PLXNA4: variants seen among roughly 807,000 people sequenced by gnomAD.
The protein encoded by PLXNA4 is plexin-A4.
A neutral mutation model predicts 191.8 loss-of-function variants in PLXNA4; 44 were observed. The observed-to-expected ratio is 0.23, with a 90% CI of 0.18 to 0.29. PLXNA4 has a LOEUF of 0.29. PLXNA4 is among the 10% of genes least tolerant of loss of function. The pLI is 1.00. For missense variants in PLXNA4, 1,800 were observed against 2,488.8 expected, an observed-to-expected ratio of 0.72 and a Z score of 5.89; for synonymous variants, 1,082 against 1,009.5, an observed-to-expected ratio of 1.07 and a Z score of -1.36.
rs1045022660 is a variant in PLXNA4 at position 132,169,357 on chromosome 7, G to A, written c.4018-785C>T. On this transcript the variant is annotated intron_variant, in intron 21 of 31. Coordinates refer to ENST00000321063, the MANE Select transcript of PLXNA4 (RefSeq NM_020911.2). ...TCAGCAAACACGAGTCAATGACTCA[G>A]GTAGGTGTGGAAGGCCCACCTCTGA... Among the ~76,000 whole-genome samples, 6 of 152,338 alleles carry A rather than the reference G, an allele frequency of 3.9e-5. No homozygotes were observed. In the East Asian group the frequency reaches 1.2e-3, roughly 29 times the overall value.
At chr7:132,431,624 C>T (rs1048077285) in intron 3 of PLXNA4, among the ~76,000 whole-genome samples, 1 of 152,122 alleles carries the variant, frequency 6.6e-6, no homozygotes, top group Non-Finnish European at 1.5e-5. Flanking sequence ...AGACATCTGA[C>T]CTGCAAGAGG....
chr7:132,412,873 G>T (rs1185227347), intron 3 of PLXNA4, among the ~76,000 whole-genome samples: 1 of 152,122 alleles, frequency 6.6e-6, no homozygotes, highest in Non-Finnish European at 1.5e-5. Context: ...TGCAGGACAC[G>T]CTGGCCAAGC....
At chr7:132,147,169 G>A (rs985782486) in intron 27 of PLXNA4, among the ~76,000 whole-genome samples, 7 of 152,164 alleles carry the variant, frequency 4.6e-5, no homozygotes, top group African/African-American at 1.7e-4. Context: ...TCTGGCCTGC[G>A]CCAATTATTC....
rs1204876728 is a variant in PLXNA4, at chr7:132,128,138, A to T, written c.*2341T>A. On this transcript the variant is annotated 3_prime_UTR_variant, in exon 32 of 32. Coordinates refer to ENST00000321063, the MANE Select transcript of PLXNA4 (RefSeq NM_020911.2). ...GCAAAAATATTGTAGTGACCGAGGT[A>T]CTTCCTCAGACCGTCTCCCACATGT... The T allele has an allele frequency of 2.0e-5, 3 of 152,152 alleles. No individual in the cohort carries two copies. The highest frequency in any genetic ancestry group is 6.5e-5 in the Admixed American group (1 of 15,270). The allele number at this position is 152,152 out of a possible 1,614,324, so 9.4% of individuals were successfully genotyped here.
chr7:132,544,545 G>A (rs550454347), intron 1 of PLXNA4, among the ~76,000 whole-genome samples: 2 of 152,270 alleles, frequency 1.3e-5, no homozygotes, highest in Non-Finnish European at 2.9e-5. Flanking sequence ...AGTGTGCAGA[G>A]GGTGAGGGGG....
intron 3 of PLXNA4, among the ~76,000 whole-genome samples, chr7:132,476,056 T>TG (rs1459131324): frequency 6.6e-6 from 1 of 152,160 alleles, no homozygotes; most frequent in Non-Finnish European, 1.5e-5. Flanking sequence ...CATGTGTGGG[T>TG]GCCTCCCTGT....
intron 3 of PLXNA4, among the ~76,000 whole-genome samples, chr7:132,436,266 G>A (rs1171975591): frequency 3.3e-5 from 5 of 152,160 alleles, no homozygotes; most frequent in African/African-American, 7.2e-5. Context: ...TGCACACTCC[G>A]TCCAACTCTG....
At chr7:132,172,665 G>A (rs771324684) in intron 21 of PLXNA4, among the ~76,000 whole-genome samples, 43 of 152,148 alleles carry the variant, frequency 2.8e-4, no homozygotes, top group Admixed American at 5.9e-4. Context: ...CATAGCCCCC[G>A]GCTAATGCGG....
At chr7:132,377,049 A>G (rs1445516857) in intron 3 of PLXNA4, among the ~76,000 whole-genome samples, 2 of 152,230 alleles carry the variant, frequency 1.3e-5, no homozygotes, top group Non-Finnish European at 2.9e-5. Context: ...AACAAAGTAC[A>G]GAAAAAGAAA....
chr7:132,223,994 G>C (rs1798230760), intron 8 of PLXNA4, among the ~76,000 whole-genome samples: 1 of 152,124 alleles, frequency 6.6e-6, no homozygotes. Flanking sequence ...GCAAACAAAA[G>C]ATTAGGTTTG....
chr7:132,583,028 G>GAA (rs1444322654), intron 2 of PLXNA4, among the ~76,000 whole-genome samples: 2 of 152,202 alleles, frequency 1.3e-5, no homozygotes, highest in African/African-American at 2.4e-5. Flanking sequence ...GAAGAGGCTT[G>GAA]AAAGCATCCA....
At chr7:132,136,075 C>A (rs1328122145) in intron 30 of PLXNA4, among the ~76,000 whole-genome samples, 1 of 152,136 alleles carries the variant, frequency 6.6e-6, no homozygotes, top group Non-Finnish European at 1.5e-5. Flanking sequence ...ATCTTCTCTG[C>A]AGGGCTTTGT....
chr7:132,608,047 A>G (rs1054766131), intron 2 of PLXNA4, among the ~76,000 whole-genome samples: 1 of 151,810 alleles, frequency 6.6e-6, no homozygotes, highest in Admixed American at 6.6e-5. Context: ...CATCACTGCC[A>G]TCATCCTCAT....
At chr7:132,435,615 C>T (rs577178191) in intron 3 of PLXNA4, among the ~76,000 whole-genome samples, 12 of 152,242 alleles carry the variant, frequency 7.9e-5, no homozygotes, top group African/African-American at 2.4e-4. Context: ...GAGATACAGC[C>T]GGACATCCGG....
At chr7:132,188,203 AAAG>A (rs1304231248) in intron 14 of PLXNA4, among the ~76,000 whole-genome samples, 3 of 152,138 alleles carry the variant, frequency 2.0e-5, no homozygotes, top group African/African-American at 7.2e-5. Context: ...GAGAAACAGA[AAAG>A]AGTCAGTTGC....
At chr7:132,372,697 G>T (rs940797960) in intron 3 of PLXNA4, among the ~76,000 whole-genome samples, 5 of 152,144 alleles carry the variant, frequency 3.3e-5, no homozygotes, top group Non-Finnish European at 7.3e-5. Flanking sequence ...TAGAACAAAG[G>T]TTCAATTCTC....
At chr7:132,160,418 A>AT (rs893947470) in intron 24 of PLXNA4, among the ~76,000 whole-genome samples, 4 of 151,990 alleles carry the variant, frequency 2.6e-5, no homozygotes, top group African/African-American at 9.7e-5. Context: ...TTATCTTTTT[A>AT]TTTTTTTTCC....
At chr7:132,560,205 C>T (rs1800978315) in intron 1 of PLXNA4, among the ~76,000 whole-genome samples, 3 of 152,160 alleles carry the variant, frequency 2.0e-5, no homozygotes, top group South Asian at 4.1e-4. Context: ...TTTGAGCATG[C>T]GCTCATTGAA....
intron 3 of PLXNA4, among the ~76,000 whole-genome samples, chr7:132,348,376 T>C (rs1218801723): frequency 1.3e-5 from 2 of 152,162 alleles, no homozygotes; most frequent in African/African-American, 2.4e-5. Flanking sequence ...CCTGTATGCT[T>C]GAGGGAAGTC....
Sources: gnomAD v4.1 joint callset for allele counts (sites outside exome capture counted in the v4.1 genomes callset) on GRCh38, gnomAD v4.1.1 for gene constraint, MANE v1.5 for transcripts, NCBI Gene and HGNC (gene_info 2026-07-23, HGNC 2026-07-21) for gene names.